The following CWC25 variants were observed in gnomAD, a reference collection of about 807,000 sequenced individuals.
CWC25 encodes pre-mRNA-splicing factor CWC25 homolog.
A neutral mutation model predicts 54.6 loss-of-function variants in CWC25; 31 were observed. The observed-to-expected ratio is 0.57, with a 90% CI of 0.43 to 0.77. The LOEUF (loss-of-function observed/expected upper bound fraction) is 0.77. Among genes scored for constraint, CWC25 ranks in the 30% least tolerant of loss-of-function variants. The probability of loss-of-function intolerance (pLI) is 0.00; values close to 1 mark genes in which losing one functional copy is unlikely to be tolerated. For missense variants in CWC25, 453 were observed against 529.3 expected, an observed-to-expected ratio of 0.86 and a Z score of 1.41; for synonymous variants, 151 against 187.0, an observed-to-expected ratio of 0.81 and a Z score of 1.57.
intron 3 of CWC25, among the ~76,000 whole-genome samples, chr17:38,813,326 C>T (rs886796762): frequency 3.3e-5 from 5 of 151,274 alleles, no homozygotes; most frequent in African/African-American, 9.7e-5. Context: ...AAAAATTAGC[C>T]GGGCATGGTA....
intron 3 of CWC25, among the ~76,000 whole-genome samples, chr17:38,814,310 G>C (rs1205994078): frequency 6.7e-6 from 1 of 149,966 alleles, no homozygotes. Flanking sequence ...TTGAGACGGA[G>C]TCTCGCTCTG....
At chr17:38,814,647 G>C (rs1352660419) in intron 3 of CWC25, among the ~76,000 whole-genome samples, 3 of 150,138 alleles carry the variant, frequency 2.0e-5, no homozygotes, top group Non-Finnish European at 3.0e-5. Flanking sequence ...TCGGGAGGCT[G>C]AGGCAGGAGG....
chr17:38,808,413 G>A lies in CWC25; in HGVS notation c.690+1289C>T, dbSNP rs573522333. 4.6e-4 allele frequency among the ~76,000 whole-genome samples: 64 copies of A among 139,890 alleles called. 9 individuals carry two copies. In the South Asian group the frequency reaches 0.013, roughly 27 times the overall value. 91.8% of individuals were successfully genotyped at this position (139,890 alleles called of 152,430 possible). The stretch of plus-strand genomic sequence containing the variant: ...AAAAAAGAAAGAAAAGAATACACCT[G>A]GCTTAGCTCTTCACTATAGGTTAAG... On this transcript the variant is annotated intron_variant, in intron 6 of 9. Transcript: ENST00000614790.
At chr17:38,812,746 G>A (rs1911541491) in intron 4 of CWC25, 49 bp downstream of exon 4, 3 of 1,100,076 alleles carry the variant, frequency 2.7e-6, no homozygotes, top group Non-Finnish European at 4.0e-6. Flanking sequence ...ACGTTCTCAC[G>A]TTATATGGCT....
At chr17:38,802,566 A>G (rs2143537095) in intron 9 of CWC25, 134 bp downstream of exon 9, 1 of 892,602 alleles carries the variant, frequency 1.1e-6, no homozygotes, top group Non-Finnish European at 1.7e-6. Flanking sequence ...TCAGAAAGGA[A>G]GAGTAGTAGC....
At chr17:38,806,027 G>A (rs1223158086) in intron 8 of CWC25, among the ~76,000 whole-genome samples, 2 of 151,946 alleles carry the variant, frequency 1.3e-5, no homozygotes, top group Non-Finnish European at 2.9e-5. Context: ...GGTTAGGATG[G>A]TCTCGACCTC....
intron 4 of CWC25, among the ~76,000 whole-genome samples, chr17:38,811,834 G>T (rs1330185921): frequency 6.6e-6 from 1 of 152,118 alleles, no homozygotes; most frequent in Non-Finnish European, 1.5e-5. Flanking sequence ...CAATTCCACT[G>T]AAAGCAGTCA....
intron 1 of CWC25, among the ~76,000 whole-genome samples, chr17:38,822,902 A>G (rs1182941413): frequency 6.6e-6 from 1 of 150,726 alleles, no homozygotes; most frequent in Non-Finnish European, 1.5e-5. Flanking sequence ...CAGTGGCGCA[A>G]TCTTGGCTCA....
At chr17:38,824,420 C>T (rs899012576) in intron 1 of CWC25, among the ~76,000 whole-genome samples, 2 of 151,414 alleles carry the variant, frequency 1.3e-5, no homozygotes, top group Non-Finnish European at 2.9e-5. Flanking sequence ...GGCGCTGTGG[C>T]TAACCCTTGT....
intron 6 of CWC25, among the ~76,000 whole-genome samples, chr17:38,809,292 G>A (rs1911386619): frequency 6.6e-6 from 1 of 151,494 alleles, no homozygotes; most frequent in Non-Finnish European, 1.5e-5. Context: ...GTCGGGCGTG[G>A]TGGTGGGCGC....
intron 6 of CWC25, among the ~76,000 whole-genome samples, chr17:38,808,341 C>A (rs1410824993): frequency 7.3e-6 from 1 of 136,706 alleles, no homozygotes; most frequent in Admixed American, 7.9e-5. Flanking sequence ...GAGATCGCAC[C>A]ATTGCACTCC....
At chr17:38,820,071 G>A (rs1911860825) in intron 2 of CWC25, among the ~76,000 whole-genome samples, 1 of 152,092 alleles carries the variant, frequency 6.6e-6, no homozygotes, top group Admixed American at 6.6e-5. Flanking sequence ...CCAAAGTGCT[G>A]GGATTATAGG....
chr17:38,811,276 G>A (rs998780821), intron 4 of CWC25, among the ~76,000 whole-genome samples: 1 of 150,760 alleles, frequency 6.6e-6, no homozygotes, highest in Non-Finnish European at 1.5e-5. Flanking sequence ...GCTCATACCT[G>A]TAATCCCAGC....
chr17:38,812,007 T>C (rs1911509301), intron 4 of CWC25, among the ~76,000 whole-genome samples: 2 of 151,962 alleles, frequency 1.3e-5, no homozygotes, highest in Admixed American at 6.6e-5. Context: ...GGCGCAATCT[T>C]GGCTCACAGC....
Position 38,801,812 on chromosome 17 carries a change from A to G in CWC25, c.*280T>C, listed in dbSNP as rs8592. 0.41 allele frequency: 124,544 copies of G among 302,466 alleles called. 29,774 individuals carry two copies. Among genetic ancestry groups the G allele is most frequent in the Middle Eastern group, 0.54 (587 of 1,096 alleles). The allele number at this position is 302,466 out of a possible 1,614,324, so 18.7% of individuals were successfully genotyped here. On this transcript the variant is annotated 3_prime_UTR_variant, in exon 10 of 10. Transcript: ENST00000614790. ...GTGGCATGATAAACATCACAACCCC[A>G]GGGAACAGCCTTCCAGAGTGGCACA...
intron 1 of CWC25, among the ~76,000 whole-genome samples, chr17:38,824,800 G>A (rs1912076006): frequency 6.6e-6 from 1 of 152,156 alleles, no homozygotes. Context: ...AAGGAAGAGA[G>A]GTGTGTGGCA....
chr17:38,820,757 G>A, intron 2 of CWC25, 144 bp downstream of exon 2: 2 of 1,005,630 alleles, frequency 2.0e-6, no homozygotes, highest in East Asian at 2.5e-5. Context: ...GCTAGTACAT[G>A]CAAAGCCAAC....
intron 4 of CWC25, 110 bp from the exon 5 acceptor site, chr17:38,810,705 T>C: frequency 1.5e-6 from 1 of 689,400 alleles, no homozygotes; most frequent in Non-Finnish European, 2.6e-6. Context: ...AGATCATCAC[T>C]TGAGGTCCGG....
intron 4 of CWC25, among the ~76,000 whole-genome samples, chr17:38,811,811 G>C (rs746093265): frequency 3.3e-5 from 5 of 152,138 alleles, no homozygotes; most frequent in African/African-American, 7.2e-5. Context: ...TCCATTCTGT[G>C]TCACAGGAAC....
Sources: allele counts gnomAD v4.1 joint callset (sites outside exome capture counted in the v4.1 genomes callset), GRCh38; gene constraint gnomAD v4.1.1; transcripts MANE v1.5; gene names NCBI Gene and HGNC (gene_info 2026-07-23, HGNC 2026-07-21).